IGF2R: variants seen among roughly 807,000 people sequenced by gnomAD.
IGF2R encodes cation-independent mannose-6-phosphate receptor.
IGF2R carries 91 observed loss-of-function variants against 270.6 expected under a neutral mutation model. That is an observed-to-expected ratio of 0.34 (90% CI 0.28 to 0.40). IGF2R has a LOEUF of 0.40. Among genes scored for constraint, IGF2R ranks in the 10% least tolerant of loss-of-function variants. The probability of loss-of-function intolerance (pLI) is 1.00; values close to 1 mark genes in which losing one functional copy is unlikely to be tolerated. For missense variants in IGF2R, 2,805 were observed against 3,188.3 expected (o/e 0.88, Z 2.90); for synonymous variants, 1,316 against 1,258.9 (o/e 1.05, Z -0.96).
At chr6:160,067,992 T>A (rs1305552107) in intron 29 of IGF2R, among the ~76,000 whole-genome samples, 2 of 152,102 alleles carry the variant, frequency 1.3e-5, no homozygotes, top group Non-Finnish European at 2.9e-5. Flanking sequence ...TTTAAATTTT[T>A]TTTTAAGTGA....
Position 160,046,574 on chromosome 6 carries a change from TA to T in IGF2R, c.1981del (p.Ile661Ter). ...KVETKKYDFYINVCGPVSVSP... is the reference protein window; with the variant it reads ...KVETKKYDFYXNVCGPVSVSP... ...TTGAGACAAAGAAGTATGACTTTTA[TA>T]TAAATGTGTGTGGCCCGGTGTCTGT... On this transcript the variant is annotated frameshift_variant, in exon 15 of 48. Transcript: ENST00000356956. LOFTEE classifies it high-confidence loss of function. 6.2e-7 allele frequency: 1 copy of T among 1,614,060 alleles called. No individual in the cohort carries two copies. The highest frequency in any genetic ancestry group is 8.5e-7 in the Non-Finnish European group (1 of 1,180,006).
Position 160,078,351 on chromosome 6 carries a change from A to G in IGF2R, c.5467A>G (p.Ser1823Gly). 1 of 1,614,094 alleles carries G rather than the reference A, an allele frequency of 6.2e-7. No individual in the cohort carries two copies. Among genetic ancestry groups the G allele is most frequent in the Non-Finnish European group, 8.5e-7 (1 of 1,179,956 alleles). ...CTTCAACTTGTCCAGCCTTTCCACG[A>G]GCACCTTTAAGGTAATGCGTTCACC... ...YSFNLSSLST[S>G]TFKVTRDSRT... Residue 1823 changes from serine (S) to glycine (G), a missense_variant, in exon 37 of 48, where the codon AGC becomes GGC. Ser to Gly is a moderately conservative substitution (Grantham distance 56, BLOSUM62 0). This residue lies in a region of IGF2R where 1,851 missense variants were observed against 2,207.2 expected (regional missense o/e 0.84). Coordinates refer to ENST00000356956, the MANE Select transcript of IGF2R (RefSeq NM_000876.4).
At chr6:160,016,264 AGGC>A (rs1010577279) in intron 4 of IGF2R, among the ~76,000 whole-genome samples, 38 of 152,074 alleles carry the variant, frequency 2.5e-4, no homozygotes, top group African/African-American at 8.9e-4. Flanking sequence ...GATGTGGTAG[AGGC>A]GCCTCTGTCC....
In IGF2R at chr6:160,102,422, C is replaced by A; in HGVS notation, c.6843-97C>A. Reference sequence around the variant, plus strand: ...AAGAATCACATGGTGTTGGGAAAGTCAGAGCTGCTCTTGCCTTGGGGACTC... The same window carrying A: ...AAGAATCACATGGTGTTGGGAAAGTAAGAGCTGCTCTTGCCTTGGGGACTC... On this transcript the variant is annotated intron_variant, in intron 45 of 47. Transcript: ENST00000356956. The surrounding 1 kb of genome is among the most constrained non-coding windows in gnomAD (Gnocchi z 4.5). 2 of 1,355,190 alleles carry A rather than the reference C, an allele frequency of 1.5e-6. No individual in the cohort carries two copies. The highest frequency in any genetic ancestry group is 2.1e-6 in the Non-Finnish European group (2 of 969,714). 83.9% of individuals were successfully genotyped at this position (1,355,190 alleles called of 1,614,324 possible). A position where few individuals can be genotyped will look rare whatever the true frequency, so the allele number is the denominator to read the frequency against.
At chr6:160,076,117 A>C in intron 36 of IGF2R, 121 bp downstream of exon 36, 1 of 962,806 alleles carries the variant, frequency 1.0e-6, no homozygotes, top group East Asian at 2.4e-5. Flanking sequence ...GCCTTGGGTA[A>C]GATGGTACGC....
Position 160,105,202 on chromosome 6 carries a change from G to A in IGF2R, c.*118G>A. The A allele has an allele frequency of 1.1e-6, 1 of 896,408 alleles. No homozygotes were observed. Among genetic ancestry groups the A allele is most frequent in the Non-Finnish European group, 1.7e-6 (1 of 599,468 alleles). The allele number at this position is 896,408 out of a possible 1,614,324, so 55.5% of individuals were successfully genotyped here. A position where few individuals can be genotyped will look rare whatever the true frequency, so the allele number is the denominator to read the frequency against. On this transcript the variant is annotated 3_prime_UTR_variant, in exon 48 of 48. Coordinates refer to ENST00000356956, the MANE Select transcript of IGF2R (RefSeq NM_000876.4). ...TGCCTTTAACAGAAACTTTCAAAAG[G>A]GAAGAGTTTTTGTGATGGGGGAGAG...
At chr6:160,001,305 C>G (rs1676950432) in intron 2 of IGF2R, among the ~76,000 whole-genome samples, 1 of 151,910 alleles carries the variant, frequency 6.6e-6, no homozygotes. Flanking sequence ...TAGGTTGTGA[C>G]CCCTTATGAG....
In IGF2R at chr6:160,060,696, C is replaced by G. The variant is rs1444665551; in HGVS notation, c.3241C>G (p.Pro1081Ala). 1 of 1,614,238 alleles carries G rather than the reference C, an allele frequency of 6.2e-7. No individual in the cohort carries two copies. Among genetic ancestry groups the G allele is most frequent in the African/African-American group, 1.3e-5 (1 of 75,056 alleles). ...FETALACVPS[P>A]VDCQVTDLAG... ...AACCGCGTTGGCCTGTGTTCCTTCTCCAGTGGACTGCCAAGTCACCGGTAA... is the reference window on the plus strand; with the variant it reads ...AACCGCGTTGGCCTGTGTTCCTTCTGCAGTGGACTGCCAAGTCACCGGTAA... Residue 1081 changes from proline (P) to alanine (A), a missense_variant, in exon 23 of 48, where the codon CCA (proline) becomes GCA (alanine). Pro to Ala is a conservative substitution (Grantham distance 27, BLOSUM62 -1). Transcript: ENST00000356956.
chr6:160,080,995 G>C (rs1178559030), intron 39 of IGF2R, among the ~76,000 whole-genome samples: 1 of 151,320 alleles, frequency 6.6e-6, no homozygotes, highest in Non-Finnish European at 1.5e-5. Flanking sequence ...GCGTGGTGGC[G>C]GGCGCCTGTA....
At chr6:160,012,203 T>C (rs1462322645) in intron 4 of IGF2R, among the ~76,000 whole-genome samples, 1 of 151,986 alleles carries the variant, frequency 6.6e-6, no homozygotes, top group Non-Finnish European at 1.5e-5. Context: ...CAGTGTCAAA[T>C]GTAAGCTTCA....
At chr6:160,044,229 C>T (rs1778014453) in intron 12 of IGF2R, among the ~76,000 whole-genome samples, 1 of 152,116 alleles carries the variant, frequency 6.6e-6, no homozygotes, top group African/African-American at 2.4e-5. Context: ...TCTTTCTTGC[C>T]CTGGAAGGGC....
intron 4 of IGF2R, among the ~76,000 whole-genome samples, chr6:160,013,997 A>G (rs1392039800): frequency 1.3e-5 from 2 of 152,220 alleles, no homozygotes; most frequent in Non-Finnish European, 2.9e-5. Flanking sequence ...CTTGCTTTCT[A>G]CATCTTACTA....
At chr6:160,098,671 T>C (rs746764249) in intron 45 of IGF2R, among the ~76,000 whole-genome samples, 2 of 151,996 alleles carry the variant, frequency 1.3e-5, no homozygotes, top group Non-Finnish European at 1.5e-5. Flanking sequence ...ATACAAAAAT[T>C]AGCCAGGTGT....
chr6:160,063,756 G>C lies in IGF2R; in HGVS notation c.3886+126G>C, dbSNP rs1583287285. 3 of 644,332 alleles carry C rather than the reference G, an allele frequency of 4.7e-6. No homozygotes were observed. The East Asian group carries it at 8.6e-5, about 18-fold the overall frequency. 39.9% of individuals were successfully genotyped at this position (644,332 alleles called of 1,614,324 possible). A position where few individuals can be genotyped will look rare whatever the true frequency, so the allele number is the denominator to read the frequency against. On this transcript the variant is annotated intron_variant, in intron 27 of 47. Coordinates refer to ENST00000356956, the MANE Select transcript of IGF2R (RefSeq NM_000876.4). ...TGTTCTACTGTAAAAAAAAAAAAAAGCATATTAATGATATTTCGGATTTTG... is the reference window on the plus strand; with the variant it reads ...TGTTCTACTGTAAAAAAAAAAAAAACCATATTAATGATATTTCGGATTTTG...
At chr6:160,028,085 A>G (rs1411172425) in intron 6 of IGF2R, among the ~76,000 whole-genome samples, 1 of 152,218 alleles carries the variant, frequency 6.6e-6, no homozygotes, top group Non-Finnish European at 1.5e-5. Context: ...GGCTGCCATA[A>G]GAAAATACGA....
Position 159,969,269 on chromosome 6 carries a change from G to C in IGF2R, c.23G>C (p.Ser8Thr), listed in dbSNP as rs1310553936. 5 of 1,129,940 alleles carry C rather than the reference G, an allele frequency of 4.4e-6. No homozygotes were observed. Among genetic ancestry groups the C allele is most frequent in the Non-Finnish European group, 5.4e-6 (5 of 926,148 alleles). The allele number at this position is 1,129,940 out of a possible 1,614,324, so 70.0% of individuals were successfully genotyped here. A position where few individuals can be genotyped will look rare whatever the true frequency, so the allele number is the denominator to read the frequency against. Residue 8 changes from serine to threonine, a missense_variant, in exon 1 of 48, where the codon AGC (serine) becomes ACC (threonine). Transcript: ENST00000356956. MGAAAGR[S>T]PHLGPAPARR... ...GCGATGGGGGCCGCCGCCGGCCGGAGCCCCCACCTGGGGCCCGCGCCCGCC... is the reference window on the plus strand; with the variant it reads ...GCGATGGGGGCCGCCGCCGGCCGGACCCCCCACCTGGGGCCCGCGCCCGCC...
chr6:159,980,831 A>G (rs532478630), intron 1 of IGF2R, among the ~76,000 whole-genome samples: 1 of 152,316 alleles, frequency 6.6e-6, no homozygotes, highest in African/African-American at 2.4e-5. Flanking sequence ...TTGTCCTTAA[A>G]GGCGGTTGGC....
intron 47 of IGF2R, among the ~76,000 whole-genome samples, chr6:160,104,354 ATCACTG>A (rs1779565027): frequency 6.6e-6 from 1 of 151,588 alleles, no homozygotes; most frequent in Admixed American, 6.6e-5. Flanking sequence ...GCGCTGGGGG[ATCACTG>A]GTCTGCTTTT....
At chr6:160,089,510 G>T (rs574464893) in intron 43 of IGF2R, among the ~76,000 whole-genome samples, 1 of 152,324 alleles carries the variant, frequency 6.6e-6, no homozygotes, top group South Asian at 2.1e-4. Flanking sequence ...GATAATCTCA[G>T]GGGTTGAAGC....
Sources: allele counts gnomAD v4.1 joint callset (sites outside exome capture counted in the v4.1 genomes callset), GRCh38; gene constraint gnomAD v4.1.1; regional missense constraint gnomAD v4.1.1; non-coding constraint Gnocchi (gnomAD v3.1); transcripts MANE v1.5; gene names NCBI Gene and HGNC (gene_info 2026-07-23, HGNC 2026-07-21).